SYT1: variants seen among roughly 807,000 people sequenced by gnomAD.
SYT1 encodes the protein synaptotagmin 1.
Under a neutral mutation model 44.8 loss-of-function variants are expected in SYT1, and 8 were observed. The observed-to-expected ratio is 0.18, with a 90% CI of 0.10 to 0.32. The LOEUF (loss-of-function observed/expected upper bound fraction) is 0.32. SYT1 is among the 10% of genes least tolerant of loss of function. The pLI is 1.00. For missense variants in SYT1, 286 were observed against 509.3 expected (o/e 0.56, Z 4.22); for synonymous variants, 154 against 188.8 (o/e 0.82, Z 1.51).
At chr12:79,398,700 A>G (rs1884962047) in intron 9 of SYT1, among the ~76,000 whole-genome samples, 2 of 152,212 alleles carry the variant, frequency 1.3e-5, no homozygotes, top group Non-Finnish European at 2.9e-5. Flanking sequence ...ATGTATCAAA[A>G]CATTTGCAAA....
At chr12:79,345,766 A>G (rs1304535478) in intron 8 of SYT1, among the ~76,000 whole-genome samples, 1 of 152,228 alleles carries the variant, frequency 6.6e-6, no homozygotes, top group East Asian at 1.9e-4. Context: ...TTAAAGCCAC[A>G]TATTATCTTA....
intron 4 of SYT1, among the ~76,000 whole-genome samples, chr12:79,242,742 G>A (rs555628510): frequency 6.6e-6 from 1 of 152,206 alleles, no homozygotes; most frequent in East Asian, 1.9e-4. Context: ...ACTACATACT[G>A]CCTCCTCCTC....
intron 1 of SYT1, among the ~76,000 whole-genome samples, chr12:78,876,954 G>A (rs1592516101): frequency 2.7e-5 from 1 of 36,988 alleles, no homozygotes; most frequent in East Asian, 8.8e-4. Flanking sequence ...AGTGTATTTT[G>A]ATTTTTTAAA....
intron 4 of SYT1, among the ~76,000 whole-genome samples, chr12:79,275,438 C>T (rs150257652): frequency 2.0e-3 from 309 of 152,218 alleles, no homozygotes; most frequent in Non-Finnish European, 3.2e-3. Flanking sequence ...GGTGTGCCCT[C>T]CAGGTTCAGG....
rs144115144 is a variant in SYT1 at position 79,319,825 on chromosome 12, T to C, written c.810+20274T>C. ...TTATTCCATTCCACAATAGTGCAAG[T>C]TCCTGGAAAAACGCAATAATGTCTT... On this transcript the variant is annotated intron_variant, in intron 8 of 10. Coordinates refer to ENST00000261205, the MANE Select transcript of SYT1 (RefSeq NM_005639.3). Among the ~76,000 whole-genome samples the C allele has an allele frequency of 3.2e-3, 492 of 152,332 alleles. 2 individuals carry two copies. The highest frequency in any genetic ancestry group is 0.011 in the African/African-American group (458 of 41,576).
chr12:78,980,453 G>A (rs749008561), intron 2 of SYT1, among the ~76,000 whole-genome samples: 56 of 152,080 alleles, frequency 3.7e-4, no homozygotes, highest in Non-Finnish European at 5.7e-4. Flanking sequence ...TTGTTTCTGC[G>A]TTCATAAGAA....
chr12:79,291,449 GT>G (rs1384247021), intron 5 of SYT1, among the ~76,000 whole-genome samples: 2 of 152,068 alleles, frequency 1.3e-5, no homozygotes, highest in African/African-American at 4.8e-5. Context: ...CTGGTGGTAT[GT>G]TTTTTTCCTC....
At chr12:78,871,188 A>T (rs1873802864) in intron 1 of SYT1, among the ~76,000 whole-genome samples, 1 of 152,064 alleles carries the variant, frequency 6.6e-6, no homozygotes, top group African/African-American at 2.4e-5. Flanking sequence ...TCATTATCCC[A>T]GATAACTGAC....
chr12:78,941,045 C>CT (rs1256032669), intron 1 of SYT1, among the ~76,000 whole-genome samples: 4 of 87,252 alleles, frequency 4.6e-5, no homozygotes, highest in African/African-American at 6.3e-5. Flanking sequence ...CTTTTCTTTA[C>CT]TTTTTTTTTC....
chr12:78,996,799 A>G (rs1238087727), intron 2 of SYT1, among the ~76,000 whole-genome samples: 1 of 152,242 alleles, frequency 6.6e-6, no homozygotes, highest in Non-Finnish European at 1.5e-5. Context: ...CAAGTAAACT[A>G]ACAAAAGCAG....
At chr12:79,186,948 A>T (rs1872837162) in intron 3 of SYT1, among the ~76,000 whole-genome samples, 2 of 152,064 alleles carry the variant, frequency 1.3e-5, no homozygotes, top group Admixed American at 6.6e-5. Context: ...CTTAAAAGGT[A>T]ATCTAATCTG....
intron 1 of SYT1, among the ~76,000 whole-genome samples, chr12:78,929,327 G>A (rs911882522): frequency 5.6e-5 from 8 of 142,820 alleles, no homozygotes; most frequent in South Asian, 2.3e-4. Flanking sequence ...GCTTGAACCC[G>A]GGAGGCAGAG....
chr12:78,898,920 A>T (rs1875509312), intron 1 of SYT1, among the ~76,000 whole-genome samples: 1 of 152,130 alleles, frequency 6.6e-6, no homozygotes, highest in Non-Finnish European at 1.5e-5. Flanking sequence ...CATGTTTTCC[A>T]ACAATTGATT....
intron 3 of SYT1, among the ~76,000 whole-genome samples, chr12:79,180,791 C>T (rs1410108474): frequency 1.3e-5 from 2 of 151,950 alleles, no homozygotes; most frequent in Non-Finnish European, 2.9e-5. Context: ...CCAGCAGGCC[C>T]CACCTCCAAC....
chr12:79,215,866 C>A (rs1694522127), intron 3 of SYT1, among the ~76,000 whole-genome samples: 1 of 148,250 alleles, frequency 6.7e-6, no homozygotes, highest in Admixed American at 6.7e-5. Flanking sequence ...ATTGTACTTT[C>A]ACTAAATATG....
chr12:79,344,701 C>T (rs1882530030), intron 8 of SYT1, among the ~76,000 whole-genome samples: 1 of 152,140 alleles, frequency 6.6e-6, no homozygotes, highest in Non-Finnish European at 1.5e-5. Context: ...AAGCAGTCTG[C>T]CCGCCTCTGC....
At chr12:78,901,308 A>G (rs1179515263) in intron 1 of SYT1, among the ~76,000 whole-genome samples, 1 of 152,138 alleles carries the variant, frequency 6.6e-6, no homozygotes, top group East Asian at 1.9e-4. Flanking sequence ...GTCTTCTTCC[A>G]TGAATGATGA....
At chr12:79,022,797 A>C (rs1371841984) in intron 2 of SYT1, among the ~76,000 whole-genome samples, 1 of 151,784 alleles carries the variant, frequency 6.6e-6, no homozygotes, top group Admixed American at 6.6e-5. Flanking sequence ...GATACAAAAA[A>C]CATTTTGAGA....
chr12:79,019,553 A>T (rs34099171), intron 2 of SYT1, among the ~76,000 whole-genome samples: 1,669 of 152,142 alleles, frequency 0.011, 14 homozygotes, highest in Non-Finnish European at 0.017. Flanking sequence ...AGATGTAATT[A>T]TCAAGGATAA....
Sources: allele counts gnomAD v4.1 joint callset (sites outside exome capture counted in the v4.1 genomes callset), GRCh38; gene constraint gnomAD v4.1.1; transcripts MANE v1.5; gene names NCBI Gene and HGNC (gene_info 2026-07-23, HGNC 2026-07-21).